Variants in PAX5 observed in about 807,000 individuals in gnomAD.
PAX5 encodes paired box 5.
PAX5 carries 9 observed loss-of-function variants against 43.7 expected under a neutral mutation model. That is an observed-to-expected ratio of 0.21 (90% CI 0.12 to 0.36). The LOEUF (loss-of-function observed/expected upper bound fraction) is 0.36. PAX5 is among the 10% of genes least tolerant of loss of function. The pLI is 1.00. For synonymous variants in PAX5, 228 were observed against 214.3 expected, an observed-to-expected ratio of 1.06 and a Z score of -0.56; for missense variants, 383 against 532.7, an observed-to-expected ratio of 0.72 and a Z score of 2.77.
chr9:36,997,535 C>T (rs1837493401), intron 5 of PAX5, among the ~76,000 whole-genome samples: 2 of 152,228 alleles, frequency 1.3e-5, no homozygotes, highest in South Asian at 4.1e-4. Context: ...CCGCTATTCA[C>T]AGCCCTGCCT....
intron 6 of PAX5, among the ~76,000 whole-genome samples, chr9:36,960,810 C>T (rs954028985): frequency 6.6e-6 from 1 of 152,220 alleles, no homozygotes; most frequent in Non-Finnish European, 1.5e-5. Flanking sequence ...CCTTGCAGCT[C>T]CCTGCCCACA....
intron 7 of PAX5, among the ~76,000 whole-genome samples, chr9:36,899,787 C>T (rs1828204939): frequency 6.6e-6 from 1 of 152,228 alleles, no homozygotes; most frequent in African/African-American, 2.4e-5. Context: ...CCATGGCCTC[C>T]TGATCCAGCC....
chr9:36,896,079 A>T (rs1168190495), intron 7 of PAX5, among the ~76,000 whole-genome samples: 1 of 152,138 alleles, frequency 6.6e-6, no homozygotes, highest in East Asian at 1.9e-4. Flanking sequence ...CCAGAGGGAG[A>T]TCAGCTAATG....
chr9:36,869,632 C>T (rs1049848161), intron 8 of PAX5, among the ~76,000 whole-genome samples: 3 of 152,240 alleles, frequency 2.0e-5, no homozygotes, highest in Admixed American at 1.3e-4. Flanking sequence ...TCCCAGAGTC[C>T]CTGGGCTTGC....
chr9:36,863,385 TC>T (rs1211512515), intron 8 of PAX5, among the ~76,000 whole-genome samples: 1 of 152,202 alleles, frequency 6.6e-6, no homozygotes, highest in Non-Finnish European at 1.5e-5. Flanking sequence ...CGCCTCGGCC[TC>T]CCCGAGTGCT....
intron 6 of PAX5, among the ~76,000 whole-genome samples, chr9:36,962,574 T>C (rs569743610): frequency 3.1e-4 from 47 of 150,144 alleles, no homozygotes; most frequent in Non-Finnish European, 6.4e-4. Context: ...TGTCGTCACG[T>C]TCGGTTTCGG....
At chr9:36,995,549 T>C (rs1588172958) in intron 5 of PAX5, among the ~76,000 whole-genome samples, 1 of 152,160 alleles carries the variant, frequency 6.6e-6, no homozygotes, top group East Asian at 1.9e-4. Context: ...CGGACGGCCC[T>C]GTGAGAATGG....
chr9:36,927,672 T>A (rs969832868), intron 6 of PAX5, among the ~76,000 whole-genome samples: 3 of 151,456 alleles, frequency 2.0e-5, no homozygotes, highest in Admixed American at 2.0e-4. Flanking sequence ...AACGAGTCCT[T>A]AGCTGCACTT....
chr9:36,849,328 G>T (rs979565058), intron 8 of PAX5, among the ~76,000 whole-genome samples: 1 of 152,158 alleles, frequency 6.6e-6, no homozygotes, highest in African/African-American at 2.4e-5. Flanking sequence ...TCTCTTTCCT[G>T]CTTTTTTTTC....
rs145289399 is a variant in PAX5, at chr9:37,032,140, T to C, written c.46+1846A>G. ...TCTAGATTTTAAGGCTTGGCCAGCC[T>C]AGGGCTCCCGTATCTCACCCCACCC... On this transcript the variant is annotated intron_variant, in intron 1 of 9. Coordinates refer to ENST00000358127, the MANE Select transcript of PAX5 (RefSeq NM_016734.3). Among the ~76,000 whole-genome samples, 983 of 152,276 alleles carry C rather than the reference T, an allele frequency of 6.5e-3. 8 individuals carry two copies. The highest frequency in any genetic ancestry group is 0.022 in the African/African-American group (926 of 41,562).
chr9:37,003,640 C>T (rs920575738), intron 4 of PAX5, among the ~76,000 whole-genome samples: 1 of 152,052 alleles, frequency 6.6e-6, no homozygotes, highest in Non-Finnish European at 1.5e-5. Flanking sequence ...GAGTTCAAGA[C>T]CAGCCTGGCC....
chr9:36,986,326 C>T (rs1487893514), intron 5 of PAX5, among the ~76,000 whole-genome samples: 1 of 147,066 alleles, frequency 6.8e-6, no homozygotes, highest in Non-Finnish European at 1.5e-5. Context: ...CAGGGCGCGC[C>T]GCCGCCTCCA....
chr9:36,949,096 C>A (rs1588056060), intron 6 of PAX5, among the ~76,000 whole-genome samples: 1 of 152,180 alleles, frequency 6.6e-6, no homozygotes, highest in African/African-American at 2.4e-5. Flanking sequence ...GAGTCTCGCT[C>A]TGTCGCCCAG....
At chr9:36,843,609 C>T (rs1208689352) in intron 9 of PAX5, among the ~76,000 whole-genome samples, 1 of 152,244 alleles carries the variant, frequency 6.6e-6, no homozygotes, top group Non-Finnish European at 1.5e-5. Context: ...ATCGTTTGTG[C>T]TCTTCCTGTG....
chr9:36,893,163 C>T (rs141844628), intron 7 of PAX5, among the ~76,000 whole-genome samples: 1 of 152,344 alleles, frequency 6.6e-6, no homozygotes, highest in Non-Finnish European at 1.5e-5. Flanking sequence ...GCCCAAGGGG[C>T]TCACTCACAC....
At chr9:36,939,803 A>G (rs2376373) in intron 6 of PAX5, among the ~76,000 whole-genome samples, 138,097 of 152,234 alleles carry the variant, frequency 0.91, 62,743 homozygotes, top group East Asian at 1. Flanking sequence ...GAGAGAGAAA[A>G]AGCAAGAGAA....
At chr9:37,026,786 C>A (rs1307678647) in intron 1 of PAX5, 1 of 929,576 alleles carries the variant, frequency 1.1e-6, no homozygotes, top group African/African-American at 1.8e-5. Context: ...CTAGCGCACC[C>A]GGGCTAGGAG....
In PAX5 at chr9:36,837,048, C is replaced by A. The variant is rs1282172671; in HGVS notation, c.*3512G>T. ...CCTAGGTCAGGCCAGCCTCTGGGTC[C>A]CTGTTCTTTCTTGCCTGATTGTGGG... On this transcript the variant is annotated 3_prime_UTR_variant, in exon 10 of 10. Coordinates refer to ENST00000358127, the MANE Select transcript of PAX5 (RefSeq NM_016734.3). 2 of 232,860 alleles carry A rather than the reference C, an allele frequency of 8.6e-6. No individual in the cohort carries two copies. Among genetic ancestry groups the A allele is most frequent in the African/African-American group, 2.2e-5 (1 of 45,378 alleles). 14.4% of individuals were successfully genotyped at this position (232,860 alleles called of 1,614,324 possible). A position where few individuals can be genotyped will look rare whatever the true frequency, so the allele number is the denominator to read the frequency against.
intron 1 of PAX5, among the ~76,000 whole-genome samples, chr9:37,027,335 C>T (rs1463886147): frequency 1.3e-5 from 2 of 152,212 alleles, no homozygotes; most frequent in African/African-American, 4.8e-5. Context: ...CCCCGCTGCT[C>T]GCCCATCGCT....
Sources: gnomAD v4.1 joint callset for allele counts (sites outside exome capture counted in the v4.1 genomes callset) on GRCh38, gnomAD v4.1.1 for gene constraint, MANE v1.5 for transcripts, NCBI Gene and HGNC (gene_info 2026-07-23, HGNC 2026-07-21) for gene names.